PHF21B: variants seen among roughly 807,000 people sequenced by gnomAD.
PHF21B encodes PHD finger protein 21B.
PHF21B carries 22 observed loss-of-function variants against 62.2 expected under a neutral mutation model. The observed-to-expected ratio is 0.35, with a 90% CI of 0.25 to 0.51. PHF21B has a LOEUF of 0.51. Among genes scored for constraint, PHF21B ranks in the 20% least tolerant of loss-of-function variants. PHF21B has a pLI of 0.97. For synonymous variants in PHF21B, 341 were observed against 314.7 expected, an observed-to-expected ratio of 1.08 and a Z score of -0.88; for missense variants, 701 against 707.9, an observed-to-expected ratio of 0.99 and a Z score of 0.11.
At chr22:44,996,098 G>C (rs1366942567) in intron 2 of PHF21B, among the ~76,000 whole-genome samples, 8 of 152,114 alleles carry the variant, frequency 5.3e-5, no homozygotes. Context: ...AGCGGCACAG[G>C]GCCCATGCCA....
intron 2 of PHF21B, among the ~76,000 whole-genome samples, chr22:44,976,358 A>T (rs964325942): frequency 6.6e-6 from 1 of 152,212 alleles, no homozygotes; most frequent in Non-Finnish European, 1.5e-5. Flanking sequence ...CTTAAGATAC[A>T]TAATACCATA....
At chr22:44,953,270 T>C (rs1232171773) in intron 2 of PHF21B, among the ~76,000 whole-genome samples, 1 of 152,184 alleles carries the variant, frequency 6.6e-6, no homozygotes, top group East Asian at 1.9e-4. Context: ...TTTCCCAGTT[T>C]GTTTTAAGCA....
intron 2 of PHF21B, among the ~76,000 whole-genome samples, chr22:44,946,337 T>C (rs1312451390): frequency 1.3e-5 from 2 of 152,116 alleles, no homozygotes; most frequent in African/African-American, 4.8e-5. Context: ...ACCAGCACCT[T>C]CTATGCCCTC....
chr22:44,888,528 C>T (rs890782713), intron 9 of PHF21B, among the ~76,000 whole-genome samples: 3 of 152,174 alleles, frequency 2.0e-5, no homozygotes, highest in Non-Finnish European at 4.4e-5. Context: ...GGAGTGGGAC[C>T]AGTGATGAAT....
At chr22:44,885,974 G>A (rs1372488291) in intron 10 of PHF21B, 36 bp from the exon 11 acceptor site, 2 of 1,597,968 alleles carry the variant, frequency 1.3e-6, no homozygotes, top group Admixed American at 3.3e-5. Context: ...AAGTGGACAG[G>A]CCCTGGGACC....
chr22:45,007,167 G>C (rs936503274), intron 2 of PHF21B, among the ~76,000 whole-genome samples: 1 of 151,298 alleles, frequency 6.6e-6, no homozygotes, highest in Non-Finnish European at 1.5e-5. Context: ...GGTCCAGCCC[G>C]GCGGCCCAGA....
chr22:44,886,783 C>G lies in PHF21B; in HGVS notation c.1198-845G>C, dbSNP rs796158872. ...CAGCCCGACAGCAGCCCCTGCCCAC[C>G]ATATCCACAGCCTTTGATCCCCACA... On this transcript the variant is annotated intron_variant, in intron 10 of 12. Coordinates refer to ENST00000313237, the MANE Select transcript of PHF21B (RefSeq NM_138415.5). Among the ~76,000 whole-genome samples, 4 of 152,260 alleles carry G rather than the reference C, an allele frequency of 2.6e-5. No homozygotes were observed. The South Asian group carries it at 8.3e-4, about 32-fold the overall frequency.
intron 5 of PHF21B, among the ~76,000 whole-genome samples, chr22:44,905,310 C>T (rs9614973): frequency 0.33 from 49,804 of 152,142 alleles, 9,443 homozygotes; most frequent in Non-Finnish European, 0.42. Flanking sequence ...CTGTTCCTGC[C>T]GTCTAGTAAG....
chr22:44,892,281 T>C (rs1388784353), intron 7 of PHF21B, among the ~76,000 whole-genome samples: 1 of 152,196 alleles, frequency 6.6e-6, no homozygotes, highest in Non-Finnish European at 1.5e-5. Flanking sequence ...GTGAATGGTA[T>C]GAAACGGCCC....
chr22:44,906,176 T>C lies in PHF21B; in HGVS notation c.831+7646A>G, dbSNP rs192601732. 3.9e-5 allele frequency among the ~76,000 whole-genome samples: 6 copies of C among 152,338 alleles called. No individual in the cohort carries two copies. In the East Asian group the frequency reaches 1.2e-3, roughly 29 times the overall value. On this transcript the variant is annotated intron_variant, in intron 5 of 12. Transcript: ENST00000313237. ...AACGTTCAGCTCCATCATTATCCTC[T>C]CTCTCTCCACTGTATCTGGGGTTGC...
At chr22:44,983,009 C>A (rs1047909566) in intron 2 of PHF21B, among the ~76,000 whole-genome samples, 1 of 152,146 alleles carries the variant, frequency 6.6e-6, no homozygotes, top group Non-Finnish European at 1.5e-5. Context: ...TTTGGGAGAC[C>A]GAGGTGGGAG....
chr22:44,938,898 G>A (rs146125687), intron 2 of PHF21B, among the ~76,000 whole-genome samples: 1 of 152,168 alleles, frequency 6.6e-6, no homozygotes, highest in Non-Finnish European at 1.5e-5. Context: ...GGAAGGACTC[G>A]TGTCTCGCTT....
At chr22:44,940,367 C>T (rs1291933799) in intron 2 of PHF21B, among the ~76,000 whole-genome samples, 1 of 152,234 alleles carries the variant, frequency 6.6e-6, no homozygotes, top group Middle Eastern at 3.2e-3. Context: ...TAATCTCCCG[C>T]CAGCCCCATC....
chr22:44,884,530 C>A (rs1301639094), intron 12 of PHF21B, among the ~76,000 whole-genome samples: 1 of 149,150 alleles, frequency 6.7e-6, no homozygotes, highest in Non-Finnish European at 1.5e-5. Context: ...GTGATCAGCA[C>A]CATCATCACC....
intron 2 of PHF21B, among the ~76,000 whole-genome samples, chr22:44,972,219 C>T (rs1017445658): frequency 1.3e-5 from 2 of 152,254 alleles, no homozygotes; most frequent in African/African-American, 4.8e-5. Flanking sequence ...AGAGACATGA[C>T]TCAGATGGGC....
rs2070759999 is a variant in PHF21B at position 44,882,683 on chromosome 22, T to C, written c.*403A>G. The C allele has an allele frequency of 1.1e-5, 2 of 183,248 alleles. No individual in the cohort carries two copies. The highest frequency in any genetic ancestry group is 1.1e-5 in the Non-Finnish European group (1 of 88,768). 11.4% of individuals were successfully genotyped at this position (183,248 alleles called of 1,614,324 possible). A position where few individuals can be genotyped will look rare whatever the true frequency, so the allele number is the denominator to read the frequency against. ...AGCTCGCCCTCCCACAGGACACCAA[T>C]AGGCGGTGCCCTCAGTGGAGACTGC... On this transcript the variant is annotated 3_prime_UTR_variant, in exon 13 of 13. Transcript: ENST00000313237.
intron 3 of PHF21B, among the ~76,000 whole-genome samples, chr22:44,917,020 C>T (rs975699838): frequency 6.6e-6 from 1 of 152,222 alleles, no homozygotes; most frequent in Non-Finnish European, 1.5e-5. Context: ...AAAGCGCTGC[C>T]CCTCGGCAGG....
chr22:44,955,255 C>T (rs2072273121), intron 2 of PHF21B, among the ~76,000 whole-genome samples: 1 of 152,200 alleles, frequency 6.6e-6, no homozygotes, highest in Non-Finnish European at 1.5e-5. Flanking sequence ...GCTGTGTGAC[C>T]TTGGAAAGCC....
chr22:44,896,242 T>C (rs188784852), intron 5 of PHF21B, among the ~76,000 whole-genome samples, 159 bp from the exon 6 acceptor site: 11 of 152,280 alleles, frequency 7.2e-5, no homozygotes, highest in African/African-American at 2.6e-4. Context: ...CTAAGAAACG[T>C]GGGGAAATAG....
Sources: allele counts gnomAD v4.1 joint callset (sites outside exome capture counted in the v4.1 genomes callset), GRCh38; gene constraint gnomAD v4.1.1; transcripts MANE v1.5; gene names NCBI Gene and HGNC (gene_info 2026-07-23, HGNC 2026-07-21).